Variants in GAS2 observed in about 807,000 individuals in gnomAD.
The protein encoded by GAS2 is growth arrest specific 2, also known as growth arrest-specific protein 2.
A neutral mutation model predicts 37.5 loss-of-function variants in GAS2; 20 were observed. The observed-to-expected ratio is 0.53, with a 90% CI of 0.37 to 0.77. The LOEUF (loss-of-function observed/expected upper bound fraction) is 0.77, where lower values mean the gene tolerates loss of function less well. Among genes scored for constraint, GAS2 ranks in the 30% least tolerant of loss-of-function variants. The pLI, the probability that GAS2 is intolerant of heterozygous loss-of-function variation, is 0.00. For synonymous variants in GAS2, 144 were observed against 132.2 expected, an observed-to-expected ratio of 1.09 and a Z score of -0.61; for missense variants, 336 against 373.4, an observed-to-expected ratio of 0.90 and a Z score of 0.82.
At chr11:22,689,922 C>T (rs1850155303) in intron 3 of GAS2, among the ~76,000 whole-genome samples, 2 of 152,130 alleles carry the variant, frequency 1.3e-5, no homozygotes, top group African/African-American at 4.8e-5. Flanking sequence ...ATGAATTAGT[C>T]AATACATTCT....
At chr11:22,694,658 T>C (rs1381008094) in intron 3 of GAS2, among the ~76,000 whole-genome samples, 1 of 152,228 alleles carries the variant, frequency 6.6e-6, no homozygotes, top group Non-Finnish European at 1.5e-5. Flanking sequence ...GTGTGAGCTA[T>C]TGTTGAATAT....
intron 1 of GAS2, among the ~76,000 whole-genome samples, chr11:22,637,739 T>A: frequency 7.2e-6 from 1 of 139,050 alleles, no homozygotes; most frequent in Middle Eastern, 3.6e-3. Flanking sequence ...TAATAATTAT[T>A]TATATTTAAA....
chr11:22,658,573 G>A (rs1848881722), intron 1 of GAS2, among the ~76,000 whole-genome samples: 1 of 152,044 alleles, frequency 6.6e-6, no homozygotes, highest in African/African-American at 2.4e-5. Context: ...AAAATCTAGG[G>A]GGTTTCCTTG....
chr11:22,807,749 GT>G, intron 7 of GAS2, among the ~76,000 whole-genome samples: 1 of 152,268 alleles, frequency 6.6e-6, no homozygotes, highest in East Asian at 1.9e-4. Flanking sequence ...AAAATTAGGG[GT>G]TTATATAGCA....
intron 5 of GAS2, among the ~76,000 whole-genome samples, chr11:22,747,816 C>T (rs894060830): frequency 6.6e-6 from 1 of 152,110 alleles, no homozygotes; most frequent in Non-Finnish European, 1.5e-5. Context: ...ATCCCTTTAT[C>T]TTGTAGTGGA....
intron 3 of GAS2, among the ~76,000 whole-genome samples, chr11:22,720,632 C>A (rs1851901861): frequency 6.6e-6 from 1 of 151,712 alleles, no homozygotes; most frequent in African/African-American, 2.4e-5. Flanking sequence ...TTATTGCCTG[C>A]CTATTTGAAC....
chr11:22,722,741 C>G (rs955222401), intron 3 of GAS2, among the ~76,000 whole-genome samples: 7 of 151,716 alleles, frequency 4.6e-5, no homozygotes, highest in African/African-American at 1.7e-4. Flanking sequence ...AGTATTTGGT[C>G]CTGTTCTCAA....
At chr11:22,687,585 T>C (rs1850027451) in intron 3 of GAS2, among the ~76,000 whole-genome samples, 1 of 152,226 alleles carries the variant, frequency 6.6e-6, no homozygotes, top group Admixed American at 6.5e-5. Flanking sequence ...TTTGCAAGTT[T>C]AATGCTCTCT....
At chr11:22,660,241 A>G (rs1381110399) in intron 1 of GAS2, among the ~76,000 whole-genome samples, 4 of 152,186 alleles carry the variant, frequency 2.6e-5, no homozygotes, top group African/African-American at 9.7e-5. Context: ...CTGGATGTCT[A>G]AAGAGAGTAA....
At chr11:22,801,448 T>C (rs975559742) in intron 7 of GAS2, among the ~76,000 whole-genome samples, 1 of 119,182 alleles carries the variant, frequency 8.4e-6, no homozygotes, top group Non-Finnish European at 1.8e-5. Context: ...GGGCATGGGA[T>C]AGTTTTTTTT....
chr11:22,634,223 G>A (rs1202756761), intron 1 of GAS2, among the ~76,000 whole-genome samples: 1 of 152,142 alleles, frequency 6.6e-6, no homozygotes, highest in Admixed American at 6.5e-5. Flanking sequence ...AAAACCATCA[G>A]ATCTTGTGAT....
chr11:22,803,142 T>G (rs1856739425), intron 7 of GAS2, among the ~76,000 whole-genome samples: 1 of 152,094 alleles, frequency 6.6e-6, no homozygotes, highest in African/African-American at 2.4e-5. Context: ...GCCGCTACCT[T>G]TTAGAATGAA....
chr11:22,740,531 A>G (rs1378540712), intron 5 of GAS2, among the ~76,000 whole-genome samples: 1 of 152,200 alleles, frequency 6.6e-6, no homozygotes, highest in East Asian at 1.9e-4. Context: ...ATGATGGTAA[A>G]TAGTTGAATA....
chr11:22,699,792 T>G (rs1850736471), intron 3 of GAS2, among the ~76,000 whole-genome samples: 1 of 152,172 alleles, frequency 6.6e-6, no homozygotes. Flanking sequence ...CTAGTACATA[T>G]GGGTGCTCAT....
In GAS2 at chr11:22,737,746, G is replaced by A. The variant is rs1852831510; in HGVS notation, c.451G>A (p.Glu151Lys). The change falls in exon 5 of 8, where the codon GAG (glutamate) becomes AAG (lysine). Residue 151 changes from glutamate (E) to lysine (K), a missense_variant. Physicochemically the swap from Glu to Lys is moderately conservative, Grantham distance 56. Transcript: ENST00000454584. ...QPREVCLCLL[E>K]LGRIAARYGV... ...CAGAGAAGTGTGTCTCTGTCTGCTAGAGCTTGGCCGGATTGCAGCCAGGTA... is the reference window on the plus strand; with the variant it reads ...CAGAGAAGTGTGTCTCTGTCTGCTAAAGCTTGGCCGGATTGCAGCCAGGTA... 1 of 1,614,138 alleles carries A rather than the reference G, an allele frequency of 6.2e-7. No homozygotes were observed. Among genetic ancestry groups the A allele is most frequent in the Admixed American group, 1.7e-5 (1 of 60,020 alleles).
chr11:22,790,502 TATC>T (rs150977599), intron 7 of GAS2, among the ~76,000 whole-genome samples: 5,597 of 152,194 alleles, frequency 0.037, 330 homozygotes, highest in African/African-American at 0.13. Context: ...TTGATGCTCA[TATC>T]ATTTCCTCCA....
At chr11:22,742,337 C>T (rs117582048) in intron 5 of GAS2, among the ~76,000 whole-genome samples, 2,318 of 152,096 alleles carry the variant, frequency 0.015, 32 homozygotes, top group Non-Finnish European at 0.024. Flanking sequence ...TGTGTGAAAA[C>T]CTCATTGACA....
intron 6 of GAS2, among the ~76,000 whole-genome samples, chr11:22,754,699 A>C (rs1220614252): frequency 6.6e-6 from 1 of 152,018 alleles, no homozygotes; most frequent in Admixed American, 6.6e-5. Flanking sequence ...TAATTCCTTT[A>C]CATTAACATT....
At chr11:22,759,573 G>A (rs187109806) in intron 7 of GAS2, among the ~76,000 whole-genome samples, 1 of 152,236 alleles carries the variant, frequency 6.6e-6, no homozygotes, top group Non-Finnish European at 1.5e-5. Flanking sequence ...ATCAAATGCA[G>A]CTAATTTTTA....
Sources: gnomAD v4.1 joint callset for allele counts (sites outside exome capture counted in the v4.1 genomes callset) on GRCh38, gnomAD v4.1.1 for gene constraint, MANE v1.5 for transcripts, NCBI Gene and HGNC (gene_info 2026-07-23, HGNC 2026-07-21) for gene names.